Variants in DDX17 observed in about 807,000 individuals in gnomAD.
The protein encoded by DDX17 is probable ATP-dependent RNA helicase DDX17.
Under a neutral mutation model 80.8 loss-of-function variants are expected in DDX17, and 10 were observed. The ratio of observed to expected loss-of-function variants is 0.12; its 90% confidence interval spans 0.08 to 0.21. DDX17 has a LOEUF of 0.21. Among genes scored for constraint, DDX17 ranks in the 10% least tolerant of loss-of-function variants. The pLI, the probability that DDX17 is intolerant of heterozygous loss-of-function variation, is 1.00. For synonymous variants in DDX17, 339 were observed against 336.2 expected, an observed-to-expected ratio of 1.01 and a Z score of -0.09; for missense variants, 586 against 957.4, an observed-to-expected ratio of 0.61 and a Z score of 5.12.
chr22:38,487,758 T>C (rs2089674690), intron 12 of DDX17, 121 bp downstream of exon 12: 1 of 952,808 alleles, frequency 1.0e-6, no homozygotes, highest in Non-Finnish European at 1.7e-6. Context: ...CATTAGGCAG[T>C]GTCCTTTGCT....
At chr22:38,503,467 G>C (rs1279444739) in intron 1 of DDX17, among the ~76,000 whole-genome samples, 2 of 151,860 alleles carry the variant, frequency 1.3e-5, no homozygotes, top group Admixed American at 1.3e-4. Flanking sequence ...ATTTATTCAA[G>C]ACATTCTATT....
chr22:38,504,567 A>G (rs1002012147), intron 1 of DDX17, among the ~76,000 whole-genome samples: 5 of 152,214 alleles, frequency 3.3e-5, no homozygotes, highest in Non-Finnish European at 7.3e-5. Context: ...ACGCGAAGCA[A>G]ACATTCCACC....
intron 1 of DDX17, among the ~76,000 whole-genome samples, chr22:38,502,534 C>CT (rs1176918066): frequency 7.1e-6 from 1 of 140,082 alleles, no homozygotes; most frequent in African/African-American, 2.5e-5. Context: ...GAAAAAAACA[C>CT]TAACAAGACT....
In DDX17 at chr22:38,484,539, C is replaced by T. The variant is rs2089635584; in HGVS notation, c.*1396G>A. The T allele has an allele frequency of 6.6e-6, 1 of 152,228 alleles. No homozygotes were observed. Among genetic ancestry groups the T allele is most frequent in the African/African-American group, 2.4e-5 (1 of 41,456 alleles). The allele number at this position is 152,228 out of a possible 1,614,324, so 9.4% of individuals were successfully genotyped here. ...TGCATTGTGAATGAATACCAATTAA[C>T]AGCATAAAAATTAATAGTCCCATAT... On this transcript the variant is annotated 3_prime_UTR_variant, in exon 13 of 13. Coordinates refer to ENST00000403230, the MANE Select transcript of DDX17 (RefSeq NM_006386.5).
At chr22:38,491,525 C>T (rs576969544) in intron 11 of DDX17, 1 of 152,100 alleles carries the variant, frequency 6.6e-6, no homozygotes, top group African/African-American at 2.4e-5. Flanking sequence ...ATAATTTGAC[C>T]TCAGTAAATT....
intron 1 of DDX17, among the ~76,000 whole-genome samples, chr22:38,502,084 A>T (rs2089836387): frequency 6.6e-6 from 1 of 152,228 alleles, no homozygotes; most frequent in African/African-American, 2.4e-5. Context: ...AAGGACTGGT[A>T]GACTGGTCTT....
intron 10 of DDX17, among the ~76,000 whole-genome samples, chr22:38,492,526 G>A (rs2089723566): frequency 6.6e-6 from 1 of 152,036 alleles, no homozygotes; most frequent in Non-Finnish European, 1.5e-5. Context: ...CGCTCTTATT[G>A]CCGAGGCTGG....
Position 38,484,289 on chromosome 22 carries a change from A to T in DDX17, c.*1646T>A, listed in dbSNP as rs779511117. On this transcript the variant is annotated 3_prime_UTR_variant, in exon 13 of 13. Coordinates refer to ENST00000403230, the MANE Select transcript of DDX17 (RefSeq NM_006386.5). The stretch of plus-strand genomic sequence containing the variant: ...AAGTAAAGTTAAGAAGAAAGTGGAA[A>T]ATTAAAAAAAAAGATGTCAAAGTTT... 1.3e-5 allele frequency: 2 copies of T among 152,568 alleles called. No individual in the cohort carries two copies. Among genetic ancestry groups the T allele is most frequent in the Non-Finnish European group, 2.9e-5 (2 of 68,044 alleles). The allele number at this position is 152,568 out of a possible 1,614,324, so 9.5% of individuals were successfully genotyped here.
At chr22:38,495,100 C>T (rs1036719922) in intron 6 of DDX17, 54 bp from the exon 7 acceptor site, 2 of 1,560,048 alleles carry the variant, frequency 1.3e-6, no homozygotes, top group Admixed American at 1.8e-5. Context: ...TGGCTCACAG[C>T]TGTGTTCTAG....
At chr22:38,497,533 G>T (rs1425397244) in intron 5 of DDX17, among the ~76,000 whole-genome samples, 1 of 144,986 alleles carries the variant, frequency 6.9e-6, no homozygotes, top group East Asian at 2.0e-4. Context: ...CAGGAGAATG[G>T]CTTGAACCTG....
intron 2 of DDX17, 120 bp from the exon 3 acceptor site, chr22:38,499,619 T>C (rs1261204293): frequency 1.3e-6 from 1 of 745,386 alleles, no homozygotes; most frequent in African/African-American, 1.7e-5. Context: ...TTTAATAGTT[T>C]ACATGGTACT....
chr22:38,490,391 T>C, intron 11 of DDX17: 1 of 1,289,398 alleles, frequency 7.8e-7, no homozygotes, highest in Non-Finnish European at 1.0e-6. Flanking sequence ...CAATGTAGAT[T>C]TGTCTCGGCC....
chr22:38,499,004 C>T (rs1050027025), intron 3 of DDX17, among the ~76,000 whole-genome samples: 1 of 152,160 alleles, frequency 6.6e-6, no homozygotes, highest in African/African-American at 2.4e-5. Flanking sequence ...AACGTTGAGA[C>T]TCCGTTTCCA....
chr22:38,499,366 A>T, intron 3 of DDX17, 34 bp downstream of exon 3: 1 of 1,550,980 alleles, frequency 6.4e-7, no homozygotes, highest in Non-Finnish European at 8.9e-7. Context: ...AACCCAATTT[A>T]ACAAATTAAG....
At chr22:38,490,402 A>C in intron 11 of DDX17, 1 of 1,289,454 alleles carries the variant, frequency 7.8e-7, no homozygotes, top group South Asian at 1.2e-5. Flanking sequence ...TGTCTCGGCC[A>C]TGTATTGAGT....
At chr22:38,495,141 T>C (rs1175581593) in intron 6 of DDX17, 95 bp from the exon 7 acceptor site, 9 of 1,254,640 alleles carry the variant, frequency 7.2e-6, no homozygotes, top group Non-Finnish European at 8.7e-6. Context: ...GGAAGATCGC[T>C]TGAGGCCAGT....
In DDX17 at chr22:38,494,106, T is replaced by C; in HGVS notation, c.1240A>G (p.Met414Val). 1 of 1,613,786 alleles carries C rather than the reference T, an allele frequency of 6.2e-7. No individual in the cohort carries two copies. The highest frequency in any genetic ancestry group is 8.5e-7 in the Non-Finnish European group (1 of 1,179,758). Residue 414 changes from methionine to valine, a missense_variant, in exon 9 of 13, where the codon ATG becomes GTG. Physicochemically the swap from Met to Val is conservative, Grantham distance 21. This residue lies in a region of DDX17 where 141 missense variants were observed against 379.3 expected (regional missense o/e 0.37). Coordinates refer to ENST00000403230, the MANE Select transcript of DDX17 (RefSeq NM_006386.5). ...ATTGTTTTGTTTTCCTTTTCAGCCATTATTTCTTCCATTAGTTGGATCAAC... is the reference window on the plus strand; with the variant it reads ...ATTGTTTTGTTTTCCTTTTCAGCCACTATTTCTTCCATTAGTTGGATCAAC...
chr22:38,505,691 C>CGGGGCTGGGAT (rs2089874132), intron 1 of DDX17: 22 of 451,904 alleles, frequency 4.9e-5, no homozygotes, highest in Non-Finnish European at 1.5e-5. Flanking sequence ...CGATCCCCCG[C>CGGGGCTGGGAT]GGGGCTGGGA....
chr22:38,492,229 ATG>A, intron 10 of DDX17, 114 bp from the exon 11 acceptor site: 1 of 775,678 alleles, frequency 1.3e-6, no homozygotes, highest in Non-Finnish European at 2.0e-6. Context: ...AGCTCTTGTA[ATG>A]ACTGACAGTG....
Sources: allele counts gnomAD v4.1 joint callset (sites outside exome capture counted in the v4.1 genomes callset), GRCh38; gene constraint gnomAD v4.1.1; regional missense constraint gnomAD v4.1.1; transcripts MANE v1.5; gene names NCBI Gene and HGNC (gene_info 2026-07-23, HGNC 2026-07-21).